PIP5K1B: variants seen among roughly 807,000 people sequenced by gnomAD.
PIP5K1B encodes phosphatidylinositol 4-phosphate 5-kinase type-1 beta.
Under a neutral mutation model 67.0 loss-of-function variants are expected in PIP5K1B, and 42 were observed. The observed-to-expected ratio is 0.63, with a 90% CI of 0.49 to 0.81. PIP5K1B has a LOEUF of 0.81. PIP5K1B is among the 30% of genes least tolerant of loss of function. The probability of loss-of-function intolerance (pLI) is 0.00; values close to 1 mark genes in which losing one functional copy is unlikely to be tolerated. For synonymous variants in PIP5K1B, 214 were observed against 231.4 expected, an observed-to-expected ratio of 0.92 and a Z score of 0.68; for missense variants, 459 against 646.3, an observed-to-expected ratio of 0.71 and a Z score of 3.14.
chr9:68,883,718 A>C (rs564054282), intron 6 of PIP5K1B, among the ~76,000 whole-genome samples: 2 of 152,244 alleles, frequency 1.3e-5, no homozygotes, highest in South Asian at 4.1e-4. Flanking sequence ...AGATGCCTAC[A>C]TCCTCAAGAT....
chr9:68,863,362 T>A (rs1823198957), intron 4 of PIP5K1B, among the ~76,000 whole-genome samples: 1 of 152,192 alleles, frequency 6.6e-6, no homozygotes. Flanking sequence ...ATTCTGTTAT[T>A]TCTCCTATTA....
At chr9:68,871,815 G>C (rs1213144871) in intron 5 of PIP5K1B, among the ~76,000 whole-genome samples, 1 of 151,920 alleles carries the variant, frequency 6.6e-6, no homozygotes, top group Non-Finnish European at 1.5e-5. Flanking sequence ...TGGCCCATGG[G>C]ATCCAAGCAT....
intron 12 of PIP5K1B, among the ~76,000 whole-genome samples, chr9:68,930,562 C>T (rs768840130): frequency 3.3e-5 from 5 of 152,130 alleles, no homozygotes; most frequent in Non-Finnish European, 7.3e-5. Flanking sequence ...TCTCCTGATT[C>T]AGCCACTGTG....
At chr9:68,755,553 G>A (rs1260403017) in intron 2 of PIP5K1B, among the ~76,000 whole-genome samples, 1 of 152,160 alleles carries the variant, frequency 6.6e-6, no homozygotes, top group Non-Finnish European at 1.5e-5. Context: ...TTGAAAAATA[G>A]AGGGAATATA....
chr9:68,951,637 C>T (rs556714038), intron 14 of PIP5K1B, among the ~76,000 whole-genome samples: 90 of 152,298 alleles, frequency 5.9e-4, no homozygotes, highest in African/African-American at 1.7e-3. Flanking sequence ...GAAAGAATCA[C>T]GGAGCTTTGG....
intron 2 of PIP5K1B, chr9:68,779,949 G>GGCCCGACCACTCCTCA: frequency 1.8e-6 from 1 of 542,050 alleles, no homozygotes; most frequent in Non-Finnish European, 3.0e-6. Context: ...ACCACTCCTC[G>GGCCCGACCACTCCTCA]CCCCTCCCCT....
At chr9:68,876,556 CAG>C (rs574625960) in intron 5 of PIP5K1B, 119 bp from the exon 6 acceptor site, 3 of 653,476 alleles carry the variant, frequency 4.6e-6, no homozygotes, top group African/African-American at 1.8e-5. Context: ...AACCCGCTCT[CAG>C]GGGATGATTT....
intron 4 of PIP5K1B, among the ~76,000 whole-genome samples, chr9:68,827,053 A>G (rs1490445519): frequency 3.9e-5 from 6 of 152,124 alleles, no homozygotes; most frequent in Non-Finnish European, 8.8e-5. Flanking sequence ...GGCCCGGCCA[A>G]AAATTCCACT....
rs151041383 is a variant in PIP5K1B at position 68,911,937 on chromosome 9, T to C, written c.772-5611T>C. ...GTTTAGAGATGTTCTGAAGGAAATA[T>C]ATTGGGCTGCAGCTTAGGAATGAAG... On this transcript the variant is annotated intron_variant, in intron 8 of 15. Transcript: ENST00000265382. Among the ~76,000 whole-genome samples the C allele has an allele frequency of 2.0e-3, 307 of 152,298 alleles. 5 individuals are homozygous for C. Among genetic ancestry groups the C allele is most frequent in the Non-Finnish European group, 3.4e-4 (23 of 68,024 alleles).
intron 2 of PIP5K1B, among the ~76,000 whole-genome samples, chr9:68,802,179 T>A (rs1415896419): frequency 6.6e-6 from 1 of 152,228 alleles, no homozygotes; most frequent in East Asian, 1.9e-4. Flanking sequence ...ATGGAAGTAT[T>A]CGAAATACTA....
chr9:68,864,539 C>A (rs1311386029), intron 5 of PIP5K1B, among the ~76,000 whole-genome samples: 1 of 152,092 alleles, frequency 6.6e-6, no homozygotes, highest in Non-Finnish European at 1.5e-5. Flanking sequence ...GTGAGGGGAT[C>A]AATTATTTAA....
At chr9:68,863,767 T>C in intron 4 of PIP5K1B, 70 bp from the exon 5 acceptor site, 1 of 1,355,184 alleles carries the variant, frequency 7.4e-7, no homozygotes, top group Admixed American at 2.0e-5. Context: ...CACTCATGTT[T>C]TGTTGCCTGT....
At chr9:68,920,796 A>T (rs1826348747) in intron 11 of PIP5K1B, among the ~76,000 whole-genome samples, 2 of 142,568 alleles carry the variant, frequency 1.4e-5, no homozygotes, top group Admixed American at 6.9e-5. Context: ...ACACACATAC[A>T]CACACATACA....
chr9:68,963,313 G>A (rs1272231587), intron 14 of PIP5K1B: 1 of 440,414 alleles, frequency 2.3e-6, no homozygotes, highest in Non-Finnish European at 4.6e-6. Context: ...GACCAGCCTG[G>A]GCAATATGGT....
Position 68,780,234 on chromosome 9 carries a change from G to A in PIP5K1B, c.-86+37577G>A, listed in dbSNP as rs1398671012. On this transcript the variant is annotated intron_variant, in intron 2 of 15. Coordinates refer to ENST00000265382, the MANE Select transcript of PIP5K1B (RefSeq NM_003558.4). Reference sequence around the variant, plus strand: ...TACGGGCGGGAGCCCGGCGGAGGGCGGTGGCAGCGGCGGCGGCGGGGGCCT... The same window carrying A: ...TACGGGCGGGAGCCCGGCGGAGGGCAGTGGCAGCGGCGGCGGCGGGGGCCT... 8 of 1,543,056 alleles carry A rather than the reference G, an allele frequency of 5.2e-6. No individual in the cohort carries two copies. In the African/African-American group the frequency reaches 9.7e-5, roughly 19 times the overall value.
chr9:68,975,809 C>A (rs966610181), intron 14 of PIP5K1B, among the ~76,000 whole-genome samples: 9 of 152,174 alleles, frequency 5.9e-5, no homozygotes, highest in Admixed American at 2.6e-4. Context: ...AAATCTCTGC[C>A]TTTATCTTCC....
intron 3 of PIP5K1B, among the ~76,000 whole-genome samples, chr9:68,821,759 C>T (rs1222544177): frequency 6.6e-6 from 1 of 152,182 alleles, no homozygotes. Context: ...AAGATATAAG[C>T]ATAAAATAAT....
chr9:68,763,451 A>T (rs1215282488), intron 2 of PIP5K1B, among the ~76,000 whole-genome samples: 1 of 152,112 alleles, frequency 6.6e-6, no homozygotes, highest in Non-Finnish European at 1.5e-5. Context: ...CTTGATATAT[A>T]AAAAAGCACT....
intron 2 of PIP5K1B, chr9:68,788,913 G>A (rs1831794440): frequency 1.1e-5 from 3 of 275,470 alleles, no homozygotes. Context: ...TCCATCAAGA[G>A]GGATGAAAGA....
Sources: allele counts gnomAD v4.1 joint callset (sites outside exome capture counted in the v4.1 genomes callset), GRCh38; gene constraint gnomAD v4.1.1; transcripts MANE v1.5; gene names NCBI Gene and HGNC (gene_info 2026-07-23, HGNC 2026-07-21).